The following ERG variants were observed in gnomAD, a reference collection of about 807,000 sequenced individuals.
ERG encodes the protein ETS transcription factor ERG, also known as transcriptional regulator ERG.
ERG carries 9 observed loss-of-function variants against 55.3 expected under a neutral mutation model. The observed-to-expected ratio is 0.16, with a 90% CI of 0.10 to 0.28. ERG has a LOEUF of 0.28. ERG is among the 10% of genes least tolerant of loss of function. ERG has a pLI of 1.00. For missense variants in ERG, 434 were observed against 631.6 expected (o/e 0.69, Z 3.35); for synonymous variants, 223 against 237.3 (o/e 0.94, Z 0.55).
At chr21:38,585,917 T>A (rs1051224512), upstream of ERG, among the ~76,000 whole-genome samples, 24 of 150,870 alleles carry the variant, frequency 1.6e-4, no homozygotes, top group Non-Finnish European at 3.2e-4. Context: ...ATCAGGGTAC[T>A]AAACCACGTA....
chr21:38,597,702 C>A (rs563399755), intron 1 of ERG, among the ~76,000 whole-genome samples: 1 of 152,122 alleles, frequency 6.6e-6, no homozygotes, highest in Non-Finnish European at 1.5e-5. Flanking sequence ...ATCTTCCAAC[C>A]ATACTCCCAG....
At chr21:38,463,717 C>T (rs2059064062) in intron 1 of ERG, among the ~76,000 whole-genome samples, 1 of 152,192 alleles carries the variant, frequency 6.6e-6, no homozygotes, top group Non-Finnish European at 1.5e-5. Context: ...AGTGGGGCCA[C>T]CCCTCGTGAG....
At chr21:38,374,887 T>C in the ERG span, among the ~76,000 whole-genome samples, 1 of 152,190 alleles carries the variant, frequency 6.6e-6, no homozygotes. Context: ...TAGTATGTTT[T>C]GCTCCTGAAG....
At chr21:38,578,005 C>T (rs1400191886) in intron 1 of ERG, among the ~76,000 whole-genome samples, 1 of 152,214 alleles carries the variant, frequency 6.6e-6, no homozygotes, top group African/African-American at 2.4e-5. Flanking sequence ...GCTTCCCCTT[C>T]CTGCCTCCTG....
At chr21:38,515,868 A>G (rs968883054) in intron 2 of ERG, among the ~76,000 whole-genome samples, 8 of 151,976 alleles carry the variant, frequency 5.3e-5, no homozygotes, top group East Asian at 1.9e-4. Flanking sequence ...ACATCAATAG[A>G]AAAAAACAAA....
At chr21:38,480,248 T>C (rs2059225144) in intron 1 of ERG, among the ~76,000 whole-genome samples, 1 of 152,116 alleles carries the variant, frequency 6.6e-6, no homozygotes, top group South Asian at 2.1e-4. Context: ...GAAATGGCCA[T>C]CTAATATCTT....
At chr21:38,506,345 C>G (rs1206206465) in intron 2 of ERG, among the ~76,000 whole-genome samples, 1 of 152,114 alleles carries the variant, frequency 6.6e-6, no homozygotes, top group Non-Finnish European at 1.5e-5. Flanking sequence ...TAAACTCAGA[C>G]ACCAGTAGAT....
At chr21:38,653,986 G>T (rs901153522) in intron 1 of ERG, among the ~76,000 whole-genome samples, 2 of 152,174 alleles carry the variant, frequency 1.3e-5, no homozygotes, top group Admixed American at 1.3e-4. Context: ...CCTTACTGTG[G>T]GTTACACATA....
At chr21:38,498,695 G>A (rs2059399223), upstream of ERG, among the ~76,000 whole-genome samples, 1 of 152,122 alleles carries the variant, frequency 6.6e-6, no homozygotes, top group Non-Finnish European at 1.5e-5. The surrounding 1 kb of genome is among the most constrained non-coding windows in gnomAD (Gnocchi z 4.6). Flanking sequence ...TGCCACAGCA[G>A]GTGTGACCGG....
intron 9 of ERG, among the ~76,000 whole-genome samples, chr21:38,389,271 G>A (rs1053012151): frequency 2.0e-5 from 3 of 152,100 alleles, no homozygotes; most frequent in African/African-American, 7.2e-5. Flanking sequence ...CACAGGAAAA[G>A]TTACTTAACT....
chr21:38,492,882 A>C (rs912685696), intron 1 of ERG, among the ~76,000 whole-genome samples: 3 of 152,172 alleles, frequency 2.0e-5, no homozygotes, highest in African/African-American at 7.2e-5. Context: ...GCAAACAAAC[A>C]AAAAAATGTA....
intron 2 of ERG, among the ~76,000 whole-genome samples, chr21:38,424,778 A>G (rs749352345): frequency 7.2e-5 from 11 of 152,160 alleles, no homozygotes; most frequent in Non-Finnish European, 1.6e-4. Context: ...GCTTAGGTGT[A>G]GACAGGAAGG....
intron 2 of ERG, among the ~76,000 whole-genome samples, chr21:38,524,274 CTA>C (rs1360945774): frequency 6.6e-6 from 1 of 152,206 alleles, no homozygotes; most frequent in East Asian, 1.9e-4. Flanking sequence ...GCTGCCAACA[CTA>C]TGAGCCTTTC....
At chr21:38,488,037 C>A (rs373616949) in intron 1 of ERG, among the ~76,000 whole-genome samples, 11 of 152,280 alleles carry the variant, frequency 7.2e-5, no homozygotes, top group South Asian at 2.1e-4. Context: ...CTCTGCCCCC[C>A]ACCTGGCAGT....
chr21:38,603,661 C>T lies in ERG; in HGVS notation c.-149-18716G>A, dbSNP rs536852167. Among the ~76,000 whole-genome samples, 4 of 152,096 alleles carry T rather than the reference C, an allele frequency of 2.6e-5. No individual in the cohort carries two copies. In the South Asian group the frequency reaches 8.3e-4, roughly 32 times the overall value. ...CAGCATTCCCCTTAAGTAAGTCTCT[C>T]GAGATATCACCCAAGGCAGGGAATC... On this transcript the variant is annotated intron_variant, in intron 1 of 10. Coordinates refer to the ERG transcript ENST00000398910.
At chr21:38,395,043 T>C (rs1322227779) in intron 6 of ERG, among the ~76,000 whole-genome samples, 1 of 152,206 alleles carries the variant, frequency 6.6e-6, no homozygotes, top group Non-Finnish European at 1.5e-5. Context: ...CGAAAATAAG[T>C]CGAAACTTAA....
intron 1 of ERG, among the ~76,000 whole-genome samples, chr21:38,450,523 C>T (rs114407244): frequency 0.021 from 3,258 of 152,248 alleles, 127 homozygotes; most frequent in African/African-American, 0.074. Flanking sequence ...AGTTTTAATC[C>T]CATTACAATC....
At chr21:38,581,769 C>T (rs967452088) in intron 1 of ERG, among the ~76,000 whole-genome samples, 1 of 152,114 alleles carries the variant, frequency 6.6e-6, no homozygotes, top group Admixed American at 6.5e-5. Context: ...GGCGGCCAGG[C>T]GCGGTGGCTC....
rs1202947547 is a variant in ERG at position 38,528,493 on chromosome 21, G to C, written c.-41+47169C>G. Among the ~76,000 whole-genome samples the C allele has an allele frequency of 4.3e-5, 3 of 70,144 alleles. 1 individual carries two copies. The highest frequency in any genetic ancestry group is 8.3e-5 in the Non-Finnish European group (3 of 36,002). 46.0% of individuals were successfully genotyped at this position (70,144 alleles called of 152,430 possible). Reference sequence around the variant, plus strand: ...GACGGAGTCTCGCTCTGTCGCCCAGGCTGGAGTGCAGTGGCGGGATCTCGG... The same window carrying C: ...GACGGAGTCTCGCTCTGTCGCCCAGCCTGGAGTGCAGTGGCGGGATCTCGG... On this transcript the variant is annotated intron_variant, in intron 2 of 8. Coordinates refer to the ERG transcript ENST00000398897.
Sources: gnomAD v4.1 joint callset for allele counts (sites outside exome capture counted in the v4.1 genomes callset) on GRCh38, gnomAD v4.1.1 for gene constraint, Gnocchi (gnomAD v3.1) non-coding constraint, MANE v1.5 for transcripts, NCBI Gene and HGNC (gene_info 2026-07-23, HGNC 2026-07-21) for gene names.